XIRP2: variants seen among roughly 807,000 people sequenced by gnomAD.
XIRP2 encodes xin actin-binding repeat-containing protein 2.
In XIRP2, 236 loss-of-function variants were observed where a neutral mutation model predicts 277.0. The observed-to-expected ratio is 0.85, with a 90% CI of 0.77 to 0.95. The LOEUF (loss-of-function observed/expected upper bound fraction) is 0.95, where lower values mean the gene tolerates loss of function less well. Ranked by LOEUF, XIRP2 falls within the 40% of genes least tolerant of loss-of-function variation. The probability of loss-of-function intolerance (pLI) is 0.00; values close to 1 mark genes in which losing one functional copy is unlikely to be tolerated. For synonymous variants in XIRP2, 1,490 were observed against 1,416.5 expected (o/e 1.05, Z -1.17); for missense variants, 4,640 against 4,157.5 (o/e 1.12, Z -3.19).
intron 3 of XIRP2, among the ~76,000 whole-genome samples, chr2:167,182,039 T>A (rs1348054600): frequency 6.6e-6 from 1 of 152,124 alleles, no homozygotes; most frequent in African/African-American, 2.4e-5. Flanking sequence ...TAAATATGAG[T>A]CATATGCCCA....
intron 2 of XIRP2, among the ~76,000 whole-genome samples, chr2:167,104,242 A>G (rs1268112920): frequency 1.3e-5 from 2 of 151,908 alleles, no homozygotes; most frequent in African/African-American, 4.8e-5. Context: ...TTTCATTTTG[A>G]TTTTTCCATC....
At chr2:167,181,021 C>G (rs1168316162) in intron 3 of XIRP2, among the ~76,000 whole-genome samples, 1 of 152,204 alleles carries the variant, frequency 6.6e-6, no homozygotes, top group Non-Finnish European at 1.5e-5. Flanking sequence ...TGTAAACTTC[C>G]TTTTGTATGG....
chr2:166,955,303 GGGAA>G (rs1686134328), intron 2 of XIRP2, among the ~76,000 whole-genome samples: 3 of 151,672 alleles, frequency 2.0e-5, no homozygotes. Context: ...AGTGAAAAAA[GGGAA>G]ACACAAGAGA....
At chr2:167,080,931 G>A (rs922785769) in intron 2 of XIRP2, among the ~76,000 whole-genome samples, 13 of 151,914 alleles carry the variant, frequency 8.6e-5, no homozygotes, top group Admixed American at 2.6e-4. Flanking sequence ...CAAGTTTTGA[G>A]ACAACAATAT....
At chr2:167,129,533 A>G (rs1032753671) in intron 2 of XIRP2, among the ~76,000 whole-genome samples, 2 of 152,138 alleles carry the variant, frequency 1.3e-5, no homozygotes, top group African/African-American at 4.8e-5. Flanking sequence ...ACATCTTAAA[A>G]AATATTTTAT....
chr2:167,183,454 C>T (rs991316672), intron 3 of XIRP2, among the ~76,000 whole-genome samples: 2 of 152,204 alleles, frequency 1.3e-5, no homozygotes, highest in Admixed American at 6.5e-5. Context: ...AATATCCATA[C>T]CCATGCTTTC....
chr2:167,177,511 A>G (rs1692880505), intron 3 of XIRP2, among the ~76,000 whole-genome samples: 1 of 152,190 alleles, frequency 6.6e-6, no homozygotes, highest in Admixed American at 6.6e-5. Context: ...GCTTATAATC[A>G]TTCTATAATG....
At chr2:167,231,504 C>T (rs1180142789) in intron 5 of XIRP2, among the ~76,000 whole-genome samples, 1 of 151,780 alleles carries the variant, frequency 6.6e-6, no homozygotes, top group African/African-American at 2.4e-5. Flanking sequence ...TAACTGGTTT[C>T]CATTTGGTTA....
At chr2:167,038,981 C>G (rs893324205) in intron 2 of XIRP2, among the ~76,000 whole-genome samples, 1 of 151,996 alleles carries the variant, frequency 6.6e-6, no homozygotes, top group Non-Finnish European at 1.5e-5. Context: ...AACAGCTGAC[C>G]ACACCAAACT....
chr2:166,994,765 C>T (rs1687166283), intron 2 of XIRP2, among the ~76,000 whole-genome samples: 1 of 151,636 alleles, frequency 6.6e-6, no homozygotes, highest in Non-Finnish European at 1.5e-5. Flanking sequence ...TTAATTTCCT[C>T]ATTTCAGTAA....
intron 3 of XIRP2, among the ~76,000 whole-genome samples, chr2:167,200,271 T>C (rs1385819762): frequency 6.6e-6 from 1 of 152,234 alleles, no homozygotes; most frequent in Non-Finnish European, 1.5e-5. Context: ...ACTTAAAGAC[T>C]GGCCTAGTGA....
At position 166,896,528 on chromosome 2, in the gene XIRP2, T is replaced by C. The variant is rs188256144; in HGVS notation, c.-18-6937T>C. Among the ~76,000 whole-genome samples the C allele has an allele frequency of 6.6e-5, 10 of 151,804 alleles. No individual in the cohort carries two copies. The East Asian group carries it at 1.4e-3, about 21-fold the overall frequency. On this transcript the variant is annotated intron_variant, in intron 1 of 10. Coordinates refer to ENST00000409195, the MANE Select transcript of XIRP2 (RefSeq NM_152381.6). ...AGAAAAAGTTTATAAAATAAAGATA[T>C]AAAGAAAAAATTTTCTACAGTTGTA... is the stretch of plus-strand genomic sequence containing the variant.
chr2:166,892,874 G>A (rs1299991528), intron 1 of XIRP2, among the ~76,000 whole-genome samples: 1 of 148,190 alleles, frequency 6.7e-6, no homozygotes, highest in African/African-American at 2.5e-5. Flanking sequence ...ATATGTATGT[G>A]TGTATATATG....
chr2:167,027,969 T>A (rs1688221115), intron 2 of XIRP2, among the ~76,000 whole-genome samples: 1 of 152,014 alleles, frequency 6.6e-6, no homozygotes, highest in South Asian at 2.1e-4. Flanking sequence ...AGAAGAGGCA[T>A]CACACACTGC....
rs756816292 is a variant in XIRP2 at position 167,243,957 on chromosome 2, A to T, written c.2565A>T (p.Glu855Asp). ...FETQPLDILKEVPDADSLQRE... is the reference protein window; with the variant it reads ...FETQPLDILKDVPDADSLQRE... ...CCCAGCCATTAGACATTCTAAAAGA[A>T]GTTCCTGATGCAGATTCTCTACAAC... Residue 855 changes from glutamate (E) to aspartate (D), a missense_variant, in exon 9 of 11, where the codon GAA (glutamate) becomes GAT (aspartate). Physicochemically the swap from Glu to Asp is conservative, Grantham distance 45. Coordinates refer to ENST00000409195, the MANE Select transcript of XIRP2 (RefSeq NM_152381.6). 3.1e-6 allele frequency: 5 copies of T among 1,614,026 alleles called. No individual in the cohort carries two copies. Among genetic ancestry groups the T allele is most frequent in the Non-Finnish European group, 4.2e-6 (5 of 1,179,942 alleles).
intron 2 of XIRP2, among the ~76,000 whole-genome samples, chr2:167,111,249 T>A (rs73015927): frequency 0.096 from 14,679 of 152,178 alleles, 1,378 homozygotes; most frequent in African/African-American, 0.24. Context: ...CCTTACCTTA[T>A]GCTGGTTTTC....
In XIRP2 at chr2:167,249,651, A is replaced by C. The variant is rs777912773; in HGVS notation, c.8259A>C (p.Lys2753Asn). Residue 2753 changes from lysine to asparagine, a missense_variant, in exon 9 of 11, where the codon AAA becomes AAC. Lys to Asn is a moderately conservative substitution (Grantham distance 94). Coordinates refer to ENST00000409195, the MANE Select transcript of XIRP2 (RefSeq NM_152381.6). ...FTKKQYLKTK[K>N]TEASTECSHK... is the part of the protein sequence containing the mutation. ...AAAAACAATATCTGAAAACCAAGAA[A>C]ACTGAAGCAAGCACTGAATGTAGTC... 1 of 1,613,572 alleles carries C rather than the reference A, an allele frequency of 6.2e-7. No individual in the cohort carries two copies. Among genetic ancestry groups the C allele is most frequent in the South Asian group, 1.1e-5 (1 of 91,080 alleles).
At chr2:166,967,130 A>G (rs1039095674) in intron 2 of XIRP2, among the ~76,000 whole-genome samples, 4 of 151,964 alleles carry the variant, frequency 2.6e-5, no homozygotes, top group African/African-American at 9.7e-5. Flanking sequence ...CCTGATAATG[A>G]GAGTAGTGGG....
At chr2:166,971,116 CTT>C (rs1342073909) in intron 2 of XIRP2, among the ~76,000 whole-genome samples, 4 of 151,910 alleles carry the variant, frequency 2.6e-5, no homozygotes, top group African/African-American at 7.2e-5. Context: ...TAGATGCTCT[CTT>C]AAGAGTAAAA....
Sources: allele counts gnomAD v4.1 joint callset (sites outside exome capture counted in the v4.1 genomes callset), GRCh38; gene constraint gnomAD v4.1.1; transcripts MANE v1.5; gene names NCBI Gene and HGNC (gene_info 2026-07-23, HGNC 2026-07-21).